UHRF1: variants seen among roughly 807,000 people sequenced by gnomAD.
UHRF1 encodes ubiquitin like with PHD and ring finger domains 1.
Under a neutral mutation model 96.5 loss-of-function variants are expected in UHRF1, and 9 were observed. The observed-to-expected ratio is 0.09, with a 90% CI of 0.06 to 0.16. The LOEUF is 0.16. Among genes scored for constraint, UHRF1 ranks in the 10% least tolerant of loss-of-function variants. The pLI, the probability that UHRF1 is intolerant of heterozygous loss-of-function variation, is 1.00. For missense variants in UHRF1, 626 were observed against 1,131.1 expected (o/e 0.55, Z 6.40); for synonymous variants, 455 against 469.9 (o/e 0.97, Z 0.41).
At chr19:4,944,532 G>T (rs2033506541) in intron 9 of UHRF1, 82 bp downstream of exon 9, 3 of 1,509,714 alleles carry the variant, frequency 2.0e-6, no homozygotes, top group Non-Finnish European at 9.2e-7. Flanking sequence ...GCTTTGGCCA[G>T]CCAGGGGTCA....
At position 4,954,747 on chromosome 19, in the gene UHRF1, A is replaced by G. The variant is rs773000411; in HGVS notation, c.2055A>G (p.Arg685=). 6 of 1,613,732 alleles carry G rather than the reference A, an allele frequency of 3.7e-6. No homozygotes were observed. The highest frequency in any genetic ancestry group is 5.1e-6 in the Non-Finnish European group (6 of 1,179,846). Residue 685 remains arginine, a synonymous_variant, in exon 15 of 17, where the codon AGA becomes AGG. Coordinates refer to ENST00000650932, the MANE Select transcript of UHRF1 (RefSeq NM_001048201.3). The surrounding 1 kb of genome is among the most constrained non-coding windows in gnomAD (Gnocchi z 5.9). ...CGGCCCAGCAGAGCAGCCTCATCAG[A>G]GAGGACAAGAGCAACGCCAAGCTGT... is the stretch of plus-strand genomic sequence containing the variant. ...SLTAQQSSLI[R]EDKSNAKLWN...
chr19:4,957,997 T>C (rs998897445), intron 16 of UHRF1, among the ~76,000 whole-genome samples: 3 of 152,182 alleles, frequency 2.0e-5, no homozygotes, highest in Admixed American at 6.5e-5. Flanking sequence ...CCAACTGCAG[T>C]CCCGCAGTCC....
At position 4,909,538 on chromosome 19, in the gene UHRF1, C is replaced by T. The variant is rs940974226; in HGVS notation, c.-128C>T. 7 of 658,840 alleles carry T rather than the reference C, an allele frequency of 1.1e-5. No homozygotes were observed. Among genetic ancestry groups the T allele is most frequent in the African/African-American group, 1.9e-5 (1 of 52,574 alleles). The allele number at this position is 658,840 out of a possible 1,614,324, so 40.8% of individuals were successfully genotyped here. A position where few individuals can be genotyped will look rare whatever the true frequency, so the allele number is the denominator to read the frequency against. The stretch of plus-strand genomic sequence containing the variant: ...AGCGCGGCGGGCAGCGTTTGCCGAG[C>T]GGGCGCTCCGGGTCGCACGCAAGTC... On this transcript the variant is annotated 5_prime_UTR_variant, in exon 1 of 17. Coordinates refer to ENST00000650932, the MANE Select transcript of UHRF1 (RefSeq NM_001048201.3).
intron 5 of UHRF1, among the ~76,000 whole-genome samples, chr19:4,934,119 G>GA (rs2033147040): frequency 6.6e-6 from 1 of 151,446 alleles, no homozygotes; most frequent in African/African-American, 2.4e-5. Context: ...CGCCTTCCAG[G>GA]TTCAGGTGAT....
intron 5 of UHRF1, among the ~76,000 whole-genome samples, chr19:4,933,466 G>A (rs533394837): frequency 6.6e-6 from 1 of 152,028 alleles, no homozygotes; most frequent in East Asian, 1.9e-4. Context: ...TGCCTGCCTC[G>A]GCCTCCCAAA....
intron 15 of UHRF1, among the ~76,000 whole-genome samples, chr19:4,956,004 G>A (rs2033847881): frequency 1.3e-5 from 2 of 152,006 alleles, no homozygotes; most frequent in South Asian, 4.1e-4. Flanking sequence ...GCATGATCTT[G>A]GATCACTGCA....
chr19:4,930,497 T>G lies in UHRF1; in HGVS notation c.409-219T>G, dbSNP rs1338408155. Reference sequence around the variant, plus strand: ...GCTGAAGCAGAGCCGCAGGGGCCTTTGTTAAGACAGTCCATGCCCCCTGGC... The same window carrying G: ...GCTGAAGCAGAGCCGCAGGGGCCTTGGTTAAGACAGTCCATGCCCCCTGGC... On this transcript the variant is annotated intron_variant, in intron 3 of 16. Transcript: ENST00000650932. This position sits in a 1 kb window ranked among gnomAD's most constrained non-coding sequence, Gnocchi z 4.4. 6.6e-6 allele frequency among the ~76,000 whole-genome samples: 1 copy of G among 152,224 alleles called. No individual in the cohort carries two copies. Among genetic ancestry groups the G allele is most frequent in the Non-Finnish European group, 1.5e-5 (1 of 68,042 alleles).
At chr19:4,917,119 T>G (rs1478944829) in intron 2 of UHRF1, among the ~76,000 whole-genome samples, 5 of 148,604 alleles carry the variant, frequency 3.4e-5, no homozygotes, top group African/African-American at 4.9e-5. Flanking sequence ...TCGTTTTTTT[T>G]TTTTTTTTTT....
intron 5 of UHRF1, among the ~76,000 whole-genome samples, chr19:4,938,045 T>C (rs1003633159): frequency 6.6e-6 from 1 of 151,962 alleles, no homozygotes; most frequent in African/African-American, 2.4e-5. Flanking sequence ...CCCCAGCTAC[T>C]TGGGAGGCTG....
chr19:4,945,267 T>C (rs2033528610), intron 9 of UHRF1, among the ~76,000 whole-genome samples: 1 of 152,162 alleles, frequency 6.6e-6, no homozygotes, highest in Admixed American at 6.6e-5. Context: ...CCCCCACTTT[T>C]ATTTTTTTTG....
chr19:4,945,688 A>C (rs1439601319), intron 9 of UHRF1, among the ~76,000 whole-genome samples, 173 bp from the exon 10 acceptor site: 2 of 149,052 alleles, frequency 1.3e-5, no homozygotes, highest in African/African-American at 2.5e-5. Context: ...GGTGCAGCTC[A>C]ACTCCGGCCG....
rs1028199583 is a variant in UHRF1, at chr19:4,930,486, G to A, written c.409-230G>A. ...CAGCAGCTGTGGCTGAAGCAGAGCC[G>A]CAGGGGCCTTTGTTAAGACAGTCCA... On this transcript the variant is annotated intron_variant, in intron 3 of 16. Coordinates refer to ENST00000650932, the MANE Select transcript of UHRF1 (RefSeq NM_001048201.3). The surrounding 1 kb of genome is among the most constrained non-coding windows in gnomAD (Gnocchi z 4.4). 1.3e-5 allele frequency among the ~76,000 whole-genome samples: 2 copies of A among 152,352 alleles called. No individual in the cohort carries two copies. The highest frequency in any genetic ancestry group is 2.1e-4 in the South Asian group (1 of 4,824).
At position 4,930,586 on chromosome 19, in the gene UHRF1, G is replaced by A; in HGVS notation, c.409-130G>A. The A allele has an allele frequency of 8.3e-7, 1 of 1,197,876 alleles. No individual in the cohort carries two copies. The highest frequency in any genetic ancestry group is 1.2e-6 in the Non-Finnish European group (1 of 856,986). 74.2% of individuals were successfully genotyped at this position (1,197,876 alleles called of 1,614,324 possible). A position where few individuals can be genotyped will look rare whatever the true frequency, so the allele number is the denominator to read the frequency against. ...TGGTCAGCGGTTCCCAGCCAGGGAG[G>A]AGAAACCTCGCTGTGGGCATTCGAG... On this transcript the variant is annotated intron_variant, in intron 3 of 16. Coordinates refer to ENST00000650932, the MANE Select transcript of UHRF1 (RefSeq NM_001048201.3). The surrounding 1 kb of genome is among the most constrained non-coding windows in gnomAD (Gnocchi z 4.4).
At chr19:4,939,330 G>T (rs922062029) in intron 5 of UHRF1, among the ~76,000 whole-genome samples, 1 of 151,360 alleles carries the variant, frequency 6.6e-6, no homozygotes, top group African/African-American at 2.4e-5. Context: ...AAAAGGTGCT[G>T]GGATTATAGG....
intron 5 of UHRF1, among the ~76,000 whole-genome samples, chr19:4,936,337 T>C (rs2033215570): frequency 6.6e-6 from 1 of 152,190 alleles, no homozygotes; most frequent in African/African-American, 2.4e-5. Context: ...TTGCAGTCCC[T>C]GTCTTAGGAG....
At chr19:4,907,332 C>T (rs1281469734), upstream of UHRF1, among the ~76,000 whole-genome samples, 2 of 152,042 alleles carry the variant, frequency 1.3e-5, no homozygotes, top group African/African-American at 4.8e-5. Context: ...TGCAGTGGCA[C>T]GATCTCTGCT....
chr19:4,931,285 T>A (rs566835961), intron 4 of UHRF1, among the ~76,000 whole-genome samples: 2 of 152,278 alleles, frequency 1.3e-5, no homozygotes, highest in East Asian at 3.9e-4. Flanking sequence ...GCTGCGTCTG[T>A]CCGTGCTGCC....
intron 16 of UHRF1, among the ~76,000 whole-genome samples, chr19:4,957,217 A>G (rs932231800): frequency 6.7e-6 from 1 of 149,928 alleles, no homozygotes. Context: ...GGCTCTGGGC[A>G]CTGGGGTGGT....
intron 5 of UHRF1, among the ~76,000 whole-genome samples, chr19:4,941,085 G>GT (rs869250736): frequency 0.063 from 3,135 of 49,924 alleles, 136 homozygotes; most frequent in East Asian, 0.41. Context: ...TCTGTGTTTT[G>GT]TTTTTTTTTT....
Sources: allele counts gnomAD v4.1 joint callset (sites outside exome capture counted in the v4.1 genomes callset), GRCh38; gene constraint gnomAD v4.1.1; non-coding constraint Gnocchi (gnomAD v3.1); transcripts MANE v1.5; gene names NCBI Gene and HGNC (gene_info 2026-07-23, HGNC 2026-07-21).